LAMC2: variants seen among roughly 807,000 people sequenced by gnomAD.
LAMC2 encodes the protein laminin subunit gamma 2.
A neutral mutation model predicts 140.2 loss-of-function variants in LAMC2; 97 were observed. The ratio of observed to expected loss-of-function variants is 0.69; its 90% CI spans 0.59 to 0.82. The LOEUF is 0.82. LAMC2 is among the 40% of genes least tolerant of loss of function. The pLI is 0.00. For missense variants in LAMC2, 1,402 were observed against 1,476.1 expected (o/e 0.95, Z 0.82); for synonymous variants, 513 against 540.2 (o/e 0.95, Z 0.70).
chr1:183,252,463 G>A, the LAMC2 span: 247 of 354,520 alleles, frequency 7.0e-4, no homozygotes, highest in East Asian at 2.6e-3. Context: ...TCTGTCCAAA[G>A]ATGACTGTGG....
At chr1:183,198,422 C>T (rs2102177876) in intron 1 of LAMC2, among the ~76,000 whole-genome samples, 1 of 152,216 alleles carries the variant, frequency 6.6e-6, no homozygotes, top group South Asian at 2.1e-4. Context: ...GGATTATAGG[C>T]GTGAGCCACC....
At chr1:183,208,175 A>G (rs1658957462) in intron 2 of LAMC2, 106 bp downstream of exon 2, 2 of 1,133,420 alleles carry the variant, frequency 1.8e-6, no homozygotes, top group African/African-American at 1.5e-5. Context: ...CGGAGGAAAA[A>G]GAAAGAAAAC....
At chr1:183,237,640 A>T in intron 18 of LAMC2, 136 bp downstream of exon 18, 1 of 867,654 alleles carries the variant, frequency 1.2e-6, no homozygotes, top group South Asian at 1.5e-5. Flanking sequence ...GCACTTTTGG[A>T]GGCCAAGCCA....
intron 1 of LAMC2, 68 bp downstream of exon 1, chr1:183,186,499 G>T: frequency 6.5e-7 from 1 of 1,542,710 alleles, no homozygotes; most frequent in South Asian, 1.1e-5. Context: ...TGCAGACCGT[G>T]ATGGCTGAAC....
chr1:183,219,408 T>C (rs796786972), intron 4 of LAMC2, among the ~76,000 whole-genome samples: 14 of 152,282 alleles, frequency 9.2e-5, no homozygotes, highest in African/African-American at 3.4e-4. Context: ...ATAAAAGAAA[T>C]GTTATCACCA....
At chr1:183,224,585 A>T (rs1005647880) in intron 7 of LAMC2, among the ~76,000 whole-genome samples, 1 of 152,110 alleles carries the variant, frequency 6.6e-6, no homozygotes, top group Non-Finnish European at 1.5e-5. Flanking sequence ...GCCTAACCCA[A>T]GGCAGGGGTA....
At chr1:183,252,560 T>TGGAGAAACAGAGAGGCAGG in the LAMC2 span, 1 of 1,002,736 alleles carries the variant, frequency 1.0e-6, no homozygotes, top group South Asian at 1.3e-5. Flanking sequence ...GACGAGGAGA[T>TGGAGAAACAGAGAGGCAGG]GGAGAAACAG....
rs1558090489 is a variant in LAMC2 at position 183,222,086 on chromosome 1, C to T, written c.641-3C>T. 1 of 1,614,030 alleles carries T rather than the reference C, an allele frequency of 6.2e-7. No individual in the cohort carries two copies. Among genetic ancestry groups the T allele is most frequent in the East Asian group, 2.2e-5 (1 of 44,886 alleles). ...ATGCAGACTGATTATGTTTGTGTTC[C>T]AGATGTTGATGGCTGGAAGGCTGTC... is the stretch of plus-strand genomic sequence containing the variant. On this transcript the variant is annotated splice_region_variant and splice_polypyrimidine_tract_variant and intron_variant, in intron 5 of 22. Coordinates refer to ENST00000264144, the MANE Select transcript of LAMC2 (RefSeq NM_005562.3).
Position 183,227,712 on chromosome 1 carries a change from C to T in LAMC2, c.1468+15C>T. The T allele has an allele frequency of 6.2e-7, 1 of 1,612,746 alleles. No individual in the cohort carries two copies. Among genetic ancestry groups the T allele is most frequent in the Non-Finnish European group, 8.5e-7 (1 of 1,178,808 alleles). On this transcript the variant is annotated intron_variant, in intron 10 of 22. Transcript: ENST00000264144. The stretch of plus-strand genomic sequence containing the variant: ...CGGGGTCACCGGTAAGGCCATGGGT[C>T]TGCTCTGCCACCTGCCTCTTCCTGT...
chr1:183,224,673 TACACACACACACACACACACAC>T (rs3064952), intron 7 of LAMC2, among the ~76,000 whole-genome samples: 1 of 147,888 alleles, frequency 6.8e-6, no homozygotes, highest in Non-Finnish European at 1.5e-5. Context: ...GTTCTAATGA[TACACACACACACACACACACAC>T]ACACACACAC....
intron 19 of LAMC2, 112 bp from the exon 20 acceptor site, chr1:183,239,252 C>T: frequency 1.1e-6 from 1 of 949,642 alleles, no homozygotes; most frequent in Non-Finnish European, 1.7e-6. Flanking sequence ...ACCGTCATCC[C>T]CAGTCAGTAA....
chr1:183,223,460 T>A lies in LAMC2; in HGVS notation c.953+136T>A, dbSNP rs1659536640. ...ACCTTTTACGTACCATGAAGGTTGC[T>A]ATGTGCTGAGAAAGGACATGATTCC... is the stretch of plus-strand genomic sequence containing the variant. On this transcript the variant is annotated intron_variant, in intron 7 of 22. Transcript: ENST00000264144. 3 of 797,928 alleles carry A rather than the reference T, an allele frequency of 3.8e-6. No homozygotes were observed. In the Admixed American group the frequency reaches 6.3e-5, roughly 17 times the overall value. The allele number at this position is 797,928 out of a possible 1,614,324, so 49.4% of individuals were successfully genotyped here.
rs770910531 is a variant in LAMC2, at chr1:183,240,037, C to G, written c.3070-3C>G. ...CCGTCCCTGGCTCCTTTTCTTCTCTCAGGAGATTGGGAGTCTGAACTTGGA... is the reference window on the plus strand; with the variant it reads ...CCGTCCCTGGCTCCTTTTCTTCTCTGAGGAGATTGGGAGTCTGAACTTGGA... On this transcript the variant is annotated splice_region_variant and splice_polypyrimidine_tract_variant and intron_variant, in intron 20 of 22. Coordinates refer to ENST00000264144, the MANE Select transcript of LAMC2 (RefSeq NM_005562.3). The G allele has an allele frequency of 1.2e-5, 20 of 1,614,022 alleles. No individual in the cohort carries two copies. In the African/African-American group the frequency reaches 1.9e-4, roughly 15 times the overall value.
chr1:183,252,737 G>C, the LAMC2 span: 8 of 1,613,340 alleles, frequency 5.0e-6, no homozygotes, highest in East Asian at 1.8e-4. Flanking sequence ...CATGCTGCAG[G>C]GCCAGCCTGC....
chr1:183,211,805 GC>G (rs1285749882), intron 2 of LAMC2, among the ~76,000 whole-genome samples: 1 of 152,134 alleles, frequency 6.6e-6, no homozygotes, highest in Non-Finnish European at 1.5e-5. Flanking sequence ...ACCATGCTCG[GC>G]CCTAAATTTT....
At chr1:183,226,636 A>G in intron 8 of LAMC2, 62 bp from the exon 9 acceptor site, 1 of 1,381,362 alleles carries the variant, frequency 7.2e-7, no homozygotes, top group Non-Finnish European at 1.0e-6. Context: ...CCCAAGAGAG[A>G]TCTGACTTGA....
At chr1:183,247,513 C>T (rs953954846), downstream of LAMC2, among the ~76,000 whole-genome samples, 45 of 140,336 alleles carry the variant, frequency 3.2e-4, no homozygotes, top group Middle Eastern at 3.7e-3. Context: ...AAAGCTGCCA[C>T]ATCTCAATTT....
rs1571531084 is a variant in LAMC2, at chr1:183,228,525, G to A, written c.1620G>A (p.Lys540=). Residue 540 remains lysine, a synonymous_variant, in exon 11 of 23, where the codon AAG becomes AAA. Transcript: ENST00000264144. This position sits in a 1 kb window ranked among gnomAD's most constrained non-coding sequence, Gnocchi z 4.3. The part of the protein sequence containing the change: ...NCDRLTGRCL[K]CIHNTAGIYC... Reference sequence around the variant, plus strand: ...ACCGGCTGACAGGCAGGTGTTTGAAGTGTATCCACAACACAGCCGGCATCT... The same window carrying A: ...ACCGGCTGACAGGCAGGTGTTTGAAATGTATCCACAACACAGCCGGCATCT... 1 of 1,614,018 alleles carries A rather than the reference G, an allele frequency of 6.2e-7. No homozygotes were observed. The highest frequency in any genetic ancestry group is 8.5e-7 in the Non-Finnish European group (1 of 1,180,016).
In LAMC2 at chr1:183,244,472, G is replaced by T. The variant is rs1660201544; in HGVS notation, c.*1072G>T. The T allele has an allele frequency of 6.6e-6, 1 of 152,388 alleles. No individual in the cohort carries two copies. The highest frequency in any genetic ancestry group is 1.5e-5 in the Non-Finnish European group (1 of 68,026). 9.4% of individuals were successfully genotyped at this position (152,388 alleles called of 1,614,324 possible). On this transcript the variant is annotated 3_prime_UTR_variant, in exon 23 of 23. Transcript: ENST00000264144. The stretch of plus-strand genomic sequence containing the variant: ...TACCTACTGTGTGCCAGGGGCTGGT[G>T]GGACAGTGGTGACATAGTCTCTGCC...
Sources: gnomAD v4.1 joint callset for allele counts (sites outside exome capture counted in the v4.1 genomes callset) on GRCh38, gnomAD v4.1.1 for gene constraint, Gnocchi (gnomAD v3.1) non-coding constraint, MANE v1.5 for transcripts, NCBI Gene and HGNC (gene_info 2026-07-23, HGNC 2026-07-21) for gene names.